Variants in ASAP3 observed in about 807,000 individuals in gnomAD.
ASAP3 encodes arf-GAP with SH3 domain, ANK repeat and PH domain-containing protein 3.
A neutral mutation model predicts 118.2 loss-of-function variants in ASAP3; 85 were observed. The observed-to-expected ratio is 0.72, with a 90% CI of 0.60 to 0.86. The LOEUF is 0.86. Ranked by LOEUF, ASAP3 falls within the 40% of genes least tolerant of loss-of-function variation. ASAP3 has a pLI of 0.00. For synonymous variants in ASAP3, 432 were observed against 477.4 expected (o/e 0.90, Z 1.24); for missense variants, 1,026 against 1,175.0 (o/e 0.87, Z 1.85).
rs578069579 is a variant in ASAP3, at chr1:23,441,670, C to T, written c.732G>A (p.Ala244=). ...CCCAACTTACTGCATGTACTGAGGC[C>T]GCCAGCTTCTCGATGAAGGGGAACA... ...QSLFPFIEKL[A]ASVHALHQAQ... is the part of the protein sequence containing the mutation. The change falls in exon 8 of 25, where the codon GCG becomes GCA. Residue 244 remains alanine (A), a synonymous_variant. Coordinates refer to ENST00000336689, the MANE Select transcript of ASAP3 (RefSeq NM_017707.4). The T allele has an allele frequency of 4.0e-5, 64 of 1,614,020 alleles. No homozygotes were observed. In the South Asian group the frequency reaches 5.6e-4, roughly 14 times the overall value.
chr1:23,469,844 C>A (rs529127914), intron 1 of ASAP3, among the ~76,000 whole-genome samples: 1 of 152,192 alleles, frequency 6.6e-6, no homozygotes, highest in African/African-American at 2.4e-5. Flanking sequence ...AACGCAGAGA[C>A]CTCTGCCTCC....
chr1:23,450,345 C>T lies in ASAP3; in HGVS notation c.473+1134G>A, dbSNP rs146443848. On this transcript the variant is annotated intron_variant, in intron 5 of 24. Coordinates refer to ENST00000336689, the MANE Select transcript of ASAP3 (RefSeq NM_017707.4). ...TGGCTTATGCAGGTTTTGGCACACC[C>T]GTTTGATTGATGTGGAAGAATATGT... is the stretch of plus-strand genomic sequence containing the variant. 7.1e-3 allele frequency among the ~76,000 whole-genome samples: 1,075 copies of T among 152,132 alleles called. 46 individuals carry two copies. The highest frequency in any genetic ancestry group is 0.059 in the Admixed American group (905 of 15,264).
chr1:23,443,466 C>A (rs762589450), intron 5 of ASAP3, among the ~76,000 whole-genome samples: 13 of 152,356 alleles, frequency 8.5e-5, no homozygotes, highest in African/African-American at 3.1e-4. Context: ...GTTTGACTTT[C>A]TGTTTCTGAG....
At position 23,436,602 on chromosome 1, in the gene ASAP3, A is replaced by C. The variant is rs1558115603; in HGVS notation, c.1529T>G (p.Leu510Arg). 1.9e-6 allele frequency: 3 copies of C among 1,614,208 alleles called. No homozygotes were observed. The highest frequency in any genetic ancestry group is 2.5e-6 in the Non-Finnish European group (3 of 1,180,034). Residue 510 changes from leucine to arginine, a missense_variant, in exon 16 of 25, where the codon CTA becomes CGA. Physicochemically the swap from Leu to Arg is moderately radical, Grantham distance 102. Coordinates refer to ENST00000336689, the MANE Select transcript of ASAP3 (RefSeq NM_017707.4). This position sits in a 1 kb window ranked among gnomAD's most constrained non-coding sequence, Gnocchi z 4.2. The stretch of plus-strand genomic sequence containing the variant: ...GGGTTTAGGGCCGCCGTGTGAGGGT[A>C]GCTGGGCCTCCATGACCTCATTGAA... ...TSFNEVMEAQ[L>R]PSHGGPKPSA... is the part of the protein sequence containing the mutation.
intron 1 of ASAP3, among the ~76,000 whole-genome samples, chr1:23,464,950 A>C (rs1263046834): frequency 6.6e-6 from 1 of 152,230 alleles, no homozygotes; most frequent in Non-Finnish European, 1.5e-5. Flanking sequence ...CATTGCTAAA[A>C]GTATGGGGCT....
At chr1:23,482,269 C>A (rs1642329708) in intron 1 of ASAP3, among the ~76,000 whole-genome samples, 1 of 152,244 alleles carries the variant, frequency 6.6e-6, no homozygotes, top group Admixed American at 6.5e-5. Context: ...CACCTATAAT[C>A]CTAGTACTTT....
At chr1:23,465,240 C>T (rs1343696831) in intron 1 of ASAP3, among the ~76,000 whole-genome samples, 2 of 152,224 alleles carry the variant, frequency 1.3e-5, no homozygotes, top group Non-Finnish European at 2.9e-5. Flanking sequence ...CCCCCAACTC[C>T]ATGTTGATCC....
intron 1 of ASAP3, among the ~76,000 whole-genome samples, chr1:23,477,157 C>T (rs1434753934): frequency 6.6e-6 from 1 of 151,190 alleles, no homozygotes; most frequent in Non-Finnish European, 1.5e-5. Flanking sequence ...GCTGGGATTA[C>T]AGGCACGTGC....
At position 23,437,375 on chromosome 1, in the gene ASAP3, G is replaced by T; in HGVS notation, c.1151+49C>A. The T allele has an allele frequency of 6.2e-7, 1 of 1,610,820 alleles. No individual in the cohort carries two copies. The highest frequency in any genetic ancestry group is 8.5e-7 in the Non-Finnish European group (1 of 1,178,296). On this transcript the variant is annotated intron_variant, in intron 13 of 24. Coordinates refer to ENST00000336689, the MANE Select transcript of ASAP3 (RefSeq NM_017707.4). The surrounding 1 kb of genome is among the most constrained non-coding windows in gnomAD (Gnocchi z 6.1). Reference sequence around the variant, plus strand: ...ATGTCAAGTGGGAAGAGATAGGGCCGCCGGCCCCCACCCACAAGGCTGGCC... The same window carrying T: ...ATGTCAAGTGGGAAGAGATAGGGCCTCCGGCCCCCACCCACAAGGCTGGCC...
At chr1:23,452,437 T>C (rs962386241) in intron 4 of ASAP3, among the ~76,000 whole-genome samples, 2 of 152,150 alleles carry the variant, frequency 1.3e-5, no homozygotes, top group Non-Finnish European at 2.9e-5. Flanking sequence ...AAAATGGGGA[T>C]GAGTGTACCC....
intron 22 of ASAP3, among the ~76,000 whole-genome samples, chr1:23,432,127 C>T (rs1219802012): frequency 1.3e-5 from 2 of 151,820 alleles, no homozygotes; most frequent in East Asian, 1.9e-4. Flanking sequence ...CTGCCTCAGC[C>T]TCCAGAGTAG....
chr1:23,463,065 T>TG (rs1421099841), intron 1 of ASAP3, among the ~76,000 whole-genome samples: 2 of 152,178 alleles, frequency 1.3e-5, no homozygotes, highest in African/African-American at 2.4e-5. Context: ...AGGCGTGCTC[T>TG]GGGAAGAATG....
chr1:23,432,872 C>A (rs139434031), intron 22 of ASAP3, among the ~76,000 whole-genome samples: 363 of 152,280 alleles, frequency 2.4e-3, no homozygotes, highest in African/African-American at 7.7e-3. Context: ...TTGAATCCTA[C>A]ATCAGAGACT....
intron 5 of ASAP3, among the ~76,000 whole-genome samples, chr1:23,444,953 G>C (rs1641001791): frequency 6.9e-6 from 1 of 144,202 alleles, no homozygotes; most frequent in African/African-American, 2.5e-5. Context: ...GACATTGCAG[G>C]CTCTGTAGGC....
chr1:23,461,307 T>C (rs377265632), intron 1 of ASAP3, among the ~76,000 whole-genome samples: 1 of 152,134 alleles, frequency 6.6e-6, no homozygotes, highest in African/African-American at 2.4e-5. Context: ...GGTAACTCTA[T>C]GTACTTCCTG....
rs997619063 is a variant in ASAP3 at position 23,429,135 on chromosome 1, CA to C, written c.*720del. On this transcript the variant is annotated 3_prime_UTR_variant, in exon 25 of 25. Transcript: ENST00000336689. The stretch of plus-strand genomic sequence containing the variant: ...GCCTAGGGAAGGCTGTGCTGTCCCT[CA>C]AAAGGAGTGACATTCAGAATATTTT... 8 of 152,842 alleles carry C rather than the reference CA, an allele frequency of 5.2e-5. No individual in the cohort carries two copies. Among genetic ancestry groups the C allele is most frequent in the Admixed American group, 3.9e-4 (6 of 15,308 alleles). The allele number at this position is 152,842 out of a possible 1,614,324, so 9.5% of individuals were successfully genotyped here.
Position 23,442,539 on chromosome 1 carries a change from G to A in ASAP3, c.547C>T (p.Gln183Ter). The A allele has an allele frequency of 6.2e-7, 1 of 1,614,064 alleles. No homozygotes were observed. Among genetic ancestry groups the A allele is most frequent in the Middle Eastern group, 1.6e-4 (1 of 6,062 alleles). Residue 183 changes from glutamine (Q) to a stop codon, truncating the protein, a stop_gained, in exon 6 of 25, where the codon CAG becomes TAG. Transcript: ENST00000336689. LOFTEE classifies it high-confidence loss of function. ...AGCTGGAAGATGCGCCGCTCTCTCT[G>A]CATGTCCTGGGCCACCTCCCCAGGG... Reference protein sequence around the residue: ...GIPGEVAQDMQRERRIFQLHM... With the variant: ...GIPGEVAQDM
In ASAP3 at chr1:23,429,018, C is replaced by T. The variant is rs896832841; in HGVS notation, c.*838G>A. The stretch of plus-strand genomic sequence containing the variant: ...AGAAGAGAAGTGGGCATCCATCAAC[C>T]CTGACTATTCCTTTCCTTCCTGCTA... On this transcript the variant is annotated 3_prime_UTR_variant, in exon 25 of 25. Transcript: ENST00000336689. The T allele has an allele frequency of 6.5e-6, 1 of 154,772 alleles. No individual in the cohort carries two copies. The highest frequency in any genetic ancestry group is 2.4e-5 in the African/African-American group (1 of 41,508). 9.6% of individuals were successfully genotyped at this position (154,772 alleles called of 1,614,324 possible). A position where few individuals can be genotyped will look rare whatever the true frequency, so the allele number is the denominator to read the frequency against.
intron 1 of ASAP3, among the ~76,000 whole-genome samples, chr1:23,474,708 G>A (rs1385987167): frequency 4.0e-5 from 6 of 151,826 alleles, no homozygotes; most frequent in Admixed American, 6.6e-5. Context: ...CTCAGCCTCC[G>A]AATAGCTGGG....
Sources: allele counts gnomAD v4.1 joint callset (sites outside exome capture counted in the v4.1 genomes callset), GRCh38; gene constraint gnomAD v4.1.1; non-coding constraint Gnocchi (gnomAD v3.1); transcripts MANE v1.5; gene names NCBI Gene and HGNC (gene_info 2026-07-23, HGNC 2026-07-21).